The following MYT1 variants were observed in gnomAD, a reference collection of about 807,000 sequenced individuals.
MYT1 encodes myelin transcription factor I.
In MYT1, 23 loss-of-function variants were observed where a neutral mutation model predicts 123.0. The observed-to-expected ratio is 0.19, with a 90% CI of 0.13 to 0.26. The LOEUF (loss-of-function observed/expected upper bound fraction) is 0.26. MYT1 is among the 10% of genes least tolerant of loss of function. The pLI is 1.00. For missense variants in MYT1, 1,125 were observed against 1,472.5 expected (o/e 0.76, Z 3.86); for synonymous variants, 518 against 575.3 (o/e 0.90, Z 1.43).
chr20:64,217,360 G>A, intron 11 of MYT1, 79 bp downstream of exon 11: 1 of 1,482,118 alleles, frequency 6.7e-7, no homozygotes. Flanking sequence ...AGTGGAGGAG[G>A]GACCCTCTCG....
At chr20:64,201,156 G>C (rs1380801928) in intron 4 of MYT1, among the ~76,000 whole-genome samples, 2 of 152,240 alleles carry the variant, frequency 1.3e-5, no homozygotes, top group Non-Finnish European at 2.9e-5. Flanking sequence ...TTTGGTAACA[G>C]ATGGAGTGTG....
rs193207338 is a variant in MYT1, at chr20:64,191,650, G to A, written c.-1+1490G>A. 7 of 152,226 alleles carry A rather than the reference G, an allele frequency of 4.6e-5. No homozygotes were observed. The East Asian group carries it at 5.8e-4, about 13-fold the overall frequency. The allele number at this position is 152,226 out of a possible 1,614,324, so 9.4% of individuals were successfully genotyped here. ...ACCTTTTTCTTTTGAATCTGGTGGC[G>A]AGAATGTACATTTTAATGGGTCTGT... On this transcript the variant is annotated intron_variant, in intron 2 of 22. Coordinates refer to ENST00000328439, the MANE Select transcript of MYT1 (RefSeq NM_004535.3). This position sits in a 1 kb window ranked among gnomAD's most constrained non-coding sequence, Gnocchi z 4.1.
In MYT1 at chr20:64,208,151, C is replaced by A. The variant is rs1601713732; in HGVS notation, c.955C>A (p.His319Asn). 1.2e-6 allele frequency: 2 copies of A among 1,613,352 alleles called. No individual in the cohort carries two copies. Among genetic ancestry groups the A allele is most frequent in the Non-Finnish European group, 1.7e-6 (2 of 1,179,678 alleles). ...PDVIFQEDTSHTSAQKAPELR... is the reference protein window; with the variant it reads ...PDVIFQEDTSNTSAQKAPELR... ...TGTGATCTTTCAGGAAGACACCTCT[C>A]ACACCTCTGCCCAGAAGGCCCCTGA... is the stretch of plus-strand genomic sequence containing the variant. The change falls in exon 7 of 23, where the codon CAC becomes AAC. Residue 319 changes from histidine to asparagine, a missense_variant. By Grantham distance (68) the His-to-Asn change is moderately conservative. This residue lies in a region of MYT1 where 406 missense variants were observed against 432.2 expected (regional missense o/e 0.94). Coordinates refer to ENST00000328439, the MANE Select transcript of MYT1 (RefSeq NM_004535.3). The surrounding 1 kb of genome is among the most constrained non-coding windows in gnomAD (Gnocchi z 5.4).
intron 1 of MYT1, among the ~76,000 whole-genome samples, chr20:64,180,652 C>T (rs929045285): frequency 1.3e-5 from 2 of 152,228 alleles, no homozygotes; most frequent in African/African-American, 4.8e-5. Flanking sequence ...AGGGTGTGGG[C>T]CAGGACAATC....
At chr20:64,239,551 G>C (rs1490389642) in intron 21 of MYT1, among the ~76,000 whole-genome samples, 1 of 152,094 alleles carries the variant, frequency 6.6e-6, no homozygotes, top group Non-Finnish European at 1.5e-5. Context: ...CCTGGAGTCA[G>C]CCCATGTCTC....
rs1982962835 is a variant in MYT1 at position 64,191,307 on chromosome 20, C to CTT, written c.-1+1147_-1+1148insTT. On this transcript the variant is annotated intron_variant, in intron 2 of 22. Coordinates refer to ENST00000328439, the MANE Select transcript of MYT1 (RefSeq NM_004535.3). The surrounding 1 kb of genome is among the most constrained non-coding windows in gnomAD (Gnocchi z 4.1). ...CTGTGACATCACATGTGCTTACAGC[C>CTT]ACTGTTCTCCACCACCAACCCTCTA... Among the ~76,000 whole-genome samples the CTT allele has an allele frequency of 6.6e-6, 1 of 152,200 alleles. No homozygotes were observed. The highest frequency in any genetic ancestry group is 2.4e-5 in the African/African-American group (1 of 41,452).
chr20:64,187,327 CCG>C, intron 1 of MYT1, among the ~76,000 whole-genome samples: 1 of 148,104 alleles, frequency 6.8e-6, no homozygotes, highest in African/African-American at 2.5e-5. Flanking sequence ...ATCCACGTTT[CCG>C]TGGAGAGTTT....
chr20:64,171,155 G>A (rs1982268226), intron 1 of MYT1, among the ~76,000 whole-genome samples: 1 of 151,522 alleles, frequency 6.6e-6, no homozygotes, highest in South Asian at 2.1e-4. Context: ...CTGACCTCAG[G>A]TGATCTGCCT....
At chr20:64,207,038 C>A (rs1983504263) in intron 6 of MYT1, among the ~76,000 whole-genome samples, 1 of 152,146 alleles carries the variant, frequency 6.6e-6, no homozygotes, top group Non-Finnish European at 1.5e-5. Context: ...TGTGCACCAC[C>A]ACGCCCAGCT....
intron 19 of MYT1, among the ~76,000 whole-genome samples, chr20:64,235,167 G>A (rs1398311492): frequency 1.8e-3 from 175 of 98,048 alleles, no homozygotes; most frequent in South Asian, 3.3e-3. Context: ...TGGGCTGGCC[G>A]TGGTATGTGA....
intron 1 of MYT1, among the ~76,000 whole-genome samples, chr20:64,171,956 T>C (rs117158915): frequency 0.034 from 5,184 of 151,768 alleles, 193 homozygotes; most frequent in South Asian, 0.17. Context: ...CAATTCCTCT[T>C]CCTGGAGAGC....
rs1982916583 is a variant in MYT1 at position 64,189,962 on chromosome 20, T to C, written c.-98-101T>C. On this transcript the variant is annotated intron_variant, in intron 1 of 22. Coordinates refer to ENST00000328439, the MANE Select transcript of MYT1 (RefSeq NM_004535.3). The surrounding 1 kb of genome is among the most constrained non-coding windows in gnomAD (Gnocchi z 5.5). ...GAAATAGGCATTGAATATATGATGT[T>C]AAAAAAGTGCCTCAAGTTTCTCACT... 1 of 152,574 alleles carries C rather than the reference T, an allele frequency of 6.6e-6. No individual in the cohort carries two copies. The highest frequency in any genetic ancestry group is 1.5e-5 in the Non-Finnish European group (1 of 68,028). The allele number at this position is 152,574 out of a possible 1,614,324, so 9.5% of individuals were successfully genotyped here. A position where few individuals can be genotyped will look rare whatever the true frequency, so the allele number is the denominator to read the frequency against.
At chr20:64,198,431 G>A (rs898589199) in intron 2 of MYT1, among the ~76,000 whole-genome samples, 1 of 152,034 alleles carries the variant, frequency 6.6e-6, no homozygotes, top group Non-Finnish European at 1.5e-5. Flanking sequence ...TGTGGTGAGC[G>A]ACCTGCCCTG....
At chr20:64,194,032 C>T (rs1181214100) in intron 2 of MYT1, among the ~76,000 whole-genome samples, 2 of 152,186 alleles carry the variant, frequency 1.3e-5, no homozygotes, top group Non-Finnish European at 2.9e-5. Context: ...GACCACGGCT[C>T]TCCACACACC....
chr20:64,166,270 G>A lies in MYT1; in HGVS notation c.-99+1531G>A, dbSNP rs1982080186. ...CCTCGGTAGCTGTTCCTTGTGCAGA[G>A]GAGGCTGGGTCAGGGCTTAGAGGGC... On this transcript the variant is annotated intron_variant, in intron 1 of 22. Coordinates refer to ENST00000328439, the MANE Select transcript of MYT1 (RefSeq NM_004535.3). The surrounding 1 kb of genome is among the most constrained non-coding windows in gnomAD (Gnocchi z 4.9). Among the ~76,000 whole-genome samples the A allele has an allele frequency of 6.6e-6, 1 of 152,208 alleles. No individual in the cohort carries two copies. Among genetic ancestry groups the A allele is most frequent in the Non-Finnish European group, 1.5e-5 (1 of 68,020 alleles).
At chr20:64,235,689 GGTGGTGGGTGACCCTTGGCTGGCC>G (rs1568722675) in intron 19 of MYT1, among the ~76,000 whole-genome samples, 3 of 88,890 alleles carry the variant, frequency 3.4e-5, no homozygotes, top group African/African-American at 4.8e-5. Context: ...CTGGGCTGGT[GGTGGTGGGTGACCCTTGGCTGGCC>G]GTGGTGGGTG....
intron 1 of MYT1, among the ~76,000 whole-genome samples, chr20:64,179,801 A>G (rs1386953932): frequency 6.6e-6 from 1 of 152,134 alleles, no homozygotes; most frequent in Non-Finnish European, 1.5e-5. Context: ...GTACACACAC[A>G]TACTCACATG....
At position 64,212,904 on chromosome 20, in the gene MYT1, G is replaced by T. The variant is rs1335589859; in HGVS notation, c.1518-630G>T. Among the ~76,000 whole-genome samples, 1 of 152,218 alleles carries T rather than the reference G, an allele frequency of 6.6e-6. No homozygotes were observed. On this transcript the variant is annotated intron_variant, in intron 9 of 22. Coordinates refer to ENST00000328439, the MANE Select transcript of MYT1 (RefSeq NM_004535.3). The surrounding 1 kb of genome is among the most constrained non-coding windows in gnomAD (Gnocchi z 6.8). ...ATGCTCAGCTGAAAGGACTGCCAGA[G>T]CTTTTGAGGTCACTTCATTTGAAAA...
chr20:64,226,947 C>T (rs539929589), intron 16 of MYT1, among the ~76,000 whole-genome samples: 1 of 152,350 alleles, frequency 6.6e-6, no homozygotes, highest in Admixed American at 6.5e-5. Flanking sequence ...GGCAAGCTCC[C>T]AGCCCATCCA....
Sources: allele counts gnomAD v4.1 joint callset (sites outside exome capture counted in the v4.1 genomes callset), GRCh38; gene constraint gnomAD v4.1.1; regional missense constraint gnomAD v4.1.1; non-coding constraint Gnocchi (gnomAD v3.1); transcripts MANE v1.5; gene names NCBI Gene and HGNC (gene_info 2026-07-23, HGNC 2026-07-21).